The following TSPAN18 variants were observed in gnomAD, a reference collection of about 807,000 sequenced individuals.
TSPAN18 encodes the protein tetraspanin 18, also known as tetraspanin-18.
A neutral mutation model predicts 27.3 loss-of-function variants in TSPAN18; 14 were observed. The observed-to-expected ratio is 0.51, with a 90% CI of 0.34 to 0.80. The LOEUF (loss-of-function observed/expected upper bound fraction) is 0.80, where lower values mean the gene tolerates loss of function less well. Among genes scored for constraint, TSPAN18 ranks in the 30% least tolerant of loss-of-function variants. The pLI is 0.01. For missense variants in TSPAN18, 268 were observed against 323.9 expected (o/e 0.83, Z 1.32); for synonymous variants, 143 against 136.5 (o/e 1.05, Z -0.33).
At chr11:44,786,883 C>T (rs943140554) in intron 2 of TSPAN18, among the ~76,000 whole-genome samples, 2 of 152,050 alleles carry the variant, frequency 1.3e-5, no homozygotes, top group African/African-American at 2.4e-5. Context: ...CTGCCCACCT[C>T]GGCCTCCCAA....
chr11:44,871,096 A>G (rs557258028), intron 3 of TSPAN18, among the ~76,000 whole-genome samples: 2 of 152,270 alleles, frequency 1.3e-5, no homozygotes, highest in East Asian at 1.9e-4. Flanking sequence ...GCTCTTAAAT[A>G]TTTCACAACT....
At chr11:44,805,115 G>A (rs1000386706) in intron 2 of TSPAN18, among the ~76,000 whole-genome samples, 5 of 152,218 alleles carry the variant, frequency 3.3e-5, no homozygotes, top group South Asian at 2.1e-4. Flanking sequence ...GGGAGCAGCC[G>A]GCACTGGACG....
chr11:44,920,106 A>C, intron 8 of TSPAN18, 107 bp downstream of exon 8: 1 of 1,156,520 alleles, frequency 8.6e-7, no homozygotes, highest in Non-Finnish European at 1.2e-6. Flanking sequence ...TACCCCAGGA[A>C]TCCCAGGGAA....
chr11:44,829,218 T>G (rs1857106082), intron 2 of TSPAN18, among the ~76,000 whole-genome samples: 1 of 152,110 alleles, frequency 6.6e-6, no homozygotes, highest in Non-Finnish European at 1.5e-5. Flanking sequence ...CCATTAGGGG[T>G]CCCTCTTTGC....
chr11:44,927,302 G>A (rs1860397601), intron 9 of TSPAN18, among the ~76,000 whole-genome samples: 1 of 152,186 alleles, frequency 6.6e-6, no homozygotes, highest in East Asian at 1.9e-4. Context: ...AGGAGCGGCC[G>A]CCTCCCGTTT....
At chr11:44,858,622 T>G (rs571828658) in intron 2 of TSPAN18, among the ~76,000 whole-genome samples, 7 of 152,188 alleles carry the variant, frequency 4.6e-5, no homozygotes, top group Admixed American at 3.3e-4. Context: ...ATGGATCTGT[T>G]AGTTAGGTGG....
chr11:44,900,647 G>GT (rs1332039220), intron 3 of TSPAN18, among the ~76,000 whole-genome samples: 5 of 132,156 alleles, frequency 3.8e-5, no homozygotes, highest in African/African-American at 5.7e-5. Context: ...GCCAAGCCCT[G>GT]TGCTCAGTAT....
chr11:44,908,782 A>AGAAAGGAAAGAAG (rs1554938078), intron 4 of TSPAN18, among the ~76,000 whole-genome samples: 2 of 115,482 alleles, frequency 1.7e-5, no homozygotes, highest in African/African-American at 7.6e-5. Context: ...AAAGAAAGAA[A>AGAAAGGAAAGAAG]GAAAGAAAGA....
At chr11:44,838,335 C>T (rs1048356098) in intron 2 of TSPAN18, among the ~76,000 whole-genome samples, 7 of 152,220 alleles carry the variant, frequency 4.6e-5, no homozygotes, top group African/African-American at 1.7e-4. Flanking sequence ...TCTCATGAGA[C>T]TTAATCACTA....
intron 2 of TSPAN18, among the ~76,000 whole-genome samples, chr11:44,823,909 G>A (rs750297837): frequency 1.3e-5 from 2 of 152,096 alleles, no homozygotes; most frequent in African/African-American, 2.4e-5. Context: ...CCCCCCTCTC[G>A]GAACTGGGCA....
chr11:44,801,586 A>G (rs1856480991), intron 2 of TSPAN18, among the ~76,000 whole-genome samples: 2 of 152,222 alleles, frequency 1.3e-5, no homozygotes, highest in South Asian at 2.1e-4. Flanking sequence ...AAATATCTTC[A>G]TAAGTTAGCA....
At chr11:44,773,751 C>T (rs1855742578) in intron 2 of TSPAN18, among the ~76,000 whole-genome samples, 1 of 152,090 alleles carries the variant, frequency 6.6e-6, no homozygotes, top group Non-Finnish European at 1.5e-5. Context: ...TGCAATAGGA[C>T]CAGGTAGTCT....
At chr11:44,864,802 G>C (rs139388063) in intron 3 of TSPAN18, among the ~76,000 whole-genome samples, 1 of 152,320 alleles carries the variant, frequency 6.6e-6, no homozygotes, top group Non-Finnish European at 1.5e-5. Context: ...AACTGCAAAG[G>C]GTTTTGATTA....
intron 8 of TSPAN18, among the ~76,000 whole-genome samples, chr11:44,925,197 T>C (rs1860306333): frequency 6.6e-6 from 1 of 152,256 alleles, no homozygotes; most frequent in African/African-American, 2.4e-5. Context: ...GGCCACAGCC[T>C]GATCACTAGA....
chr11:44,906,362 G>A (rs755265888), intron 3 of TSPAN18, 45 bp from the exon 4 acceptor site: 9 of 1,589,152 alleles, frequency 5.7e-6, no homozygotes, highest in African/African-American at 1.3e-5. Flanking sequence ...TTCTTCCTGG[G>A]TGGGGTCCCC....
chr11:44,812,637 A>G (rs1338212150), intron 2 of TSPAN18, among the ~76,000 whole-genome samples: 1 of 152,152 alleles, frequency 6.6e-6, no homozygotes, highest in Non-Finnish European at 1.5e-5. Context: ...AGGTGGGGCT[A>G]ACATTCCTAT....
At chr11:44,733,920 T>C (rs886637676) in intron 1 of TSPAN18, among the ~76,000 whole-genome samples, 28 of 152,198 alleles carry the variant, frequency 1.8e-4, no homozygotes, top group African/African-American at 6.7e-4. Context: ...CCTCCAAATC[T>C]CATGTTGAAA....
chr11:44,802,563 GC>G (rs1308809754), intron 2 of TSPAN18, among the ~76,000 whole-genome samples: 1 of 145,644 alleles, frequency 6.9e-6, no homozygotes, highest in Admixed American at 6.9e-5. Context: ...TGCCTCCCCA[GC>G]CCCCACTGGA....
intron 2 of TSPAN18, among the ~76,000 whole-genome samples, chr11:44,822,584 AT>A (rs1365934574): frequency 1.3e-5 from 2 of 151,802 alleles, no homozygotes; most frequent in Non-Finnish European, 2.9e-5. Context: ...ACATGACCAC[AT>A]AGGTGCAAAG....
Sources: gnomAD v4.1 joint callset for allele counts (sites outside exome capture counted in the v4.1 genomes callset) on GRCh38, gnomAD v4.1.1 for gene constraint, MANE v1.5 for transcripts, NCBI Gene and HGNC (gene_info 2026-07-23, HGNC 2026-07-21) for gene names.